The following ZNF599 variants were observed in gnomAD, a reference collection of about 807,000 sequenced individuals.
ZNF599 encodes the protein zinc finger protein 599.
Under a neutral mutation model 11.7 loss-of-function variants are expected in ZNF599, and 10 were observed. That is an observed-to-expected ratio of 0.86 (90% CI 0.53 to 1.45). The LOEUF (loss-of-function observed/expected upper bound fraction) is 1.45, where lower values mean the gene tolerates loss of function less well. Among genes scored for constraint, ZNF599 ranks in the 40% most tolerant of loss-of-function variants. The pLI, the probability that ZNF599 is intolerant of heterozygous loss-of-function variation, is 0.00. For missense variants in ZNF599, 688 were observed against 713.6 expected (o/e 0.96, Z 0.41); for synonymous variants, 232 against 253.2 (o/e 0.92, Z 0.79).
the ZNF599 span, chr19:34,788,502 A>G: frequency 6.6e-6 from 1 of 152,226 alleles, no homozygotes; most frequent in Non-Finnish European, 1.5e-5. Flanking sequence ...AGTGTTTTTG[A>G]AGAAACAGCA....
chr19:34,762,409 A>G (rs1660474435), intron 3 of ZNF599, among the ~76,000 whole-genome samples: 1 of 152,226 alleles, frequency 6.6e-6, no homozygotes, highest in Admixed American at 6.5e-5. Flanking sequence ...GGGTATAACC[A>G]TTTTAGGAAA....
the ZNF599 span, among the ~76,000 whole-genome samples, chr19:34,783,144 A>G: frequency 9.1e-4 from 139 of 152,246 alleles, no homozygotes; most frequent in African/African-American, 3.2e-3. Flanking sequence ...GATTTGTTTT[A>G]ATTAGGTGTA....
chr19:34,790,705 TAACA>T, the ZNF599 span, among the ~76,000 whole-genome samples: 1 of 152,170 alleles, frequency 6.6e-6, no homozygotes, highest in Non-Finnish European at 1.5e-5. Flanking sequence ...ACTGTGACTA[TAACA>T]AACAATGTAC....
At position 34,772,997 on chromosome 19, in the gene ZNF599, G is replaced by T; in HGVS notation, c.-156C>A. On this transcript the variant is annotated 5_prime_UTR_variant, in exon 1 of 4. Transcript: ENST00000329285. ...GTTCGCGGCGCCGCCTCTGCGCGCC[G>T]TGAGGACACAGGGCTGTCGCCAAGG... 2.2e-6 allele frequency: 2 copies of T among 900,434 alleles called. No homozygotes were observed. Among genetic ancestry groups the T allele is most frequent in the Non-Finnish European group, 3.2e-6 (2 of 633,398 alleles). The allele number at this position is 900,434 out of a possible 1,614,324, so 55.8% of individuals were successfully genotyped here.
chr19:34,766,004 T>C (rs1328148935), intron 3 of ZNF599, among the ~76,000 whole-genome samples: 1 of 151,578 alleles, frequency 6.6e-6, no homozygotes, highest in Admixed American at 6.6e-5. Flanking sequence ...GAGATGGAGG[T>C]GTTGAGGGGT....
chr19:34,783,512 G>A, the ZNF599 span, among the ~76,000 whole-genome samples: 1 of 152,136 alleles, frequency 6.6e-6, no homozygotes, highest in Non-Finnish European at 1.5e-5. Flanking sequence ...ATAAAAGCAG[G>A]CAGGTAGGAG....
the ZNF599 span, among the ~76,000 whole-genome samples, chr19:34,804,777 G>A: frequency 1.3e-5 from 2 of 152,156 alleles, no homozygotes; most frequent in South Asian, 4.1e-4. Context: ...CTGGCAGGAC[G>A]AGGAGAAACC....
the ZNF599 span, among the ~76,000 whole-genome samples, chr19:34,799,415 A>G: frequency 4.5e-4 from 68 of 152,220 alleles, no homozygotes; most frequent in African/African-American, 1.5e-3. Flanking sequence ...ACTGAATAAT[A>G]TTCCGTTGTG....
At position 34,759,651 on chromosome 19, in the gene ZNF599, G is replaced by A. The variant is rs1319122296; in HGVS notation, c.1150C>T (p.Gln384Ter). The change falls in exon 4 of 4, where the codon CAG (glutamine) becomes TAG (stop). Residue 384 changes from glutamine to a stop codon, truncating the protein, a stop_gained. Coordinates refer to ENST00000329285, the MANE Select transcript of ZNF599 (RefSeq NM_001007248.3). LOFTEE classifies it low-confidence loss of function (END_TRUNC). Reference sequence around the variant, plus strand: ...TCTCCAGTGTGAATCCTCATGTGCTGAGTGAAGGATGAGTTGAGGCAAAAG... The same window carrying A: ...TCTCCAGTGTGAATCCTCATGTGCTAAGTGAAGGATGAGTTGAGGCAAAAG... The part of the protein sequence containing the change: ...KTFCLNSSFT[Q>*]HMRIHTGEKP... 2 of 1,614,102 alleles carry A rather than the reference G, an allele frequency of 1.2e-6. No homozygotes were observed. The highest frequency in any genetic ancestry group is 2.2e-5 in the East Asian group (1 of 44,900).
At chr19:34,795,416 A>G in the ZNF599 span, among the ~76,000 whole-genome samples, 142,206 of 152,242 alleles carry the variant, frequency 0.93, 66,793 homozygotes, top group Middle Eastern at 0.99. Context: ...CTGGGACCAC[A>G]GGCGCACACT....
intron 2 of ZNF599, 42 bp from the exon 3 acceptor site, chr19:34,767,453 G>C: frequency 6.5e-7 from 1 of 1,532,572 alleles, no homozygotes; most frequent in Non-Finnish European, 9.0e-7. Context: ...TACAGGGAAA[G>C]ACAAAAAGAA....
the ZNF599 span, among the ~76,000 whole-genome samples, chr19:34,787,104 A>C: frequency 6.6e-6 from 1 of 152,170 alleles, no homozygotes; most frequent in Non-Finnish European, 1.5e-5. Context: ...AATGCTCATT[A>C]AAATCCAGTG....
At chr19:34,791,241 C>T in the ZNF599 span, among the ~76,000 whole-genome samples, 2 of 152,216 alleles carry the variant, frequency 1.3e-5, no homozygotes, top group Non-Finnish European at 2.9e-5. Context: ...TTTTTGTCAA[C>T]AGAGTGGCAA....
In ZNF599 at chr19:34,767,337, G is replaced by A. The variant is rs775618494; in HGVS notation, c.220C>T (p.Leu74Phe). 1 of 1,614,096 alleles carries A rather than the reference G, an allele frequency of 6.2e-7. No homozygotes were observed. Among genetic ancestry groups the A allele is most frequent in the South Asian group, 1.1e-5 (1 of 91,072 alleles). Reference protein sequence around the residue: ...GQELWTVKRGLSQSTCAGEKA... With the variant: ...GQELWTVKRGFSQSTCAGEKA... ...CAACCTGCGCAGGTGCTTTGGGAGA[G>A]GCCTCTCTTCACTGTCCACAGTTCC... Residue 74 changes from leucine (L) to phenylalanine (F), a missense_variant, in exon 3 of 4, where the codon CTC becomes TTC. Coordinates refer to ENST00000329285, the MANE Select transcript of ZNF599 (RefSeq NM_001007248.3).
chr19:34,766,085 G>A (rs2069140686), intron 3 of ZNF599, among the ~76,000 whole-genome samples: 1 of 152,160 alleles, frequency 6.6e-6, no homozygotes, highest in Non-Finnish European at 1.5e-5. Flanking sequence ...GTGATCATGA[G>A]GTCCTTTTAG....
intron 3 of ZNF599, among the ~76,000 whole-genome samples, chr19:34,766,686 A>G (rs1312201505): frequency 6.6e-6 from 1 of 152,214 alleles, no homozygotes; most frequent in East Asian, 1.9e-4. Context: ...TCAGATAAGT[A>G]TATGTTCACT....
upstream of ZNF599, among the ~76,000 whole-genome samples, chr19:34,777,357 T>C (rs2069221804): frequency 1.1e-5 from 1 of 92,966 alleles, no homozygotes; most frequent in Non-Finnish European, 1.9e-5. Flanking sequence ...ATATATTATA[T>C]ATTAATATAT....
At chr19:34,779,238 C>T in the ZNF599 span, among the ~76,000 whole-genome samples, 7 of 145,038 alleles carry the variant, frequency 4.8e-5, no homozygotes, top group African/African-American at 1.5e-4. Flanking sequence ...TGCCACCATG[C>T]CCAGCTTTTT....
chr19:34,770,053 T>A (rs1030671755), intron 1 of ZNF599, among the ~76,000 whole-genome samples: 2 of 152,226 alleles, frequency 1.3e-5, no homozygotes, highest in Non-Finnish European at 2.9e-5. Context: ...GAGCTCCAAT[T>A]TCCACATCAA....
Sources: allele counts gnomAD v4.1 joint callset (sites outside exome capture counted in the v4.1 genomes callset), GRCh38; gene constraint gnomAD v4.1.1; transcripts MANE v1.5; gene names NCBI Gene and HGNC (gene_info 2026-07-23, HGNC 2026-07-21).